The following SGK1 variants were observed in gnomAD, a reference collection of about 807,000 sequenced individuals.
SGK1 encodes the protein serum/glucocorticoid regulated kinase 1.
A neutral mutation model predicts 64.2 loss-of-function variants in SGK1; 26 were observed. The ratio of observed to expected loss-of-function variants is 0.40; its 90% CI spans 0.30 to 0.56. The LOEUF (loss-of-function observed/expected upper bound fraction) is 0.56. Ranked by LOEUF, SGK1 falls within the 20% of genes least tolerant of loss-of-function variation. The pLI, the probability that SGK1 is intolerant of heterozygous loss-of-function variation, is 0.38. For synonymous variants in SGK1, 265 were observed against 239.7 expected, an observed-to-expected ratio of 1.11 and a Z score of -0.98; for missense variants, 519 against 645.6, an observed-to-expected ratio of 0.80 and a Z score of 2.12.
intron 9 of SGK1, 115 bp from the exon 10 acceptor site, chr6:134,172,431 T>A: frequency 9.4e-7 from 1 of 1,059,388 alleles, no homozygotes; most frequent in Non-Finnish European, 1.4e-6. Context: ...TGTAGTTGTG[T>A]AGTGAAGAAA....
At chr6:134,301,424 A>G (rs1777451128) in intron 1 of SGK1, among the ~76,000 whole-genome samples, 2 of 152,128 alleles carry the variant, frequency 1.3e-5, no homozygotes, top group Non-Finnish European at 2.9e-5. Context: ...ATCACCCACA[A>G]GTAGGAGGAG....
chr6:134,307,389 C>T (rs1304773077), intron 1 of SGK1, among the ~76,000 whole-genome samples: 1 of 152,150 alleles, frequency 6.6e-6, no homozygotes, highest in African/African-American at 2.4e-5. Context: ...AAGGAGAAAG[C>T]AATTATATTG....
At chr6:134,264,175 A>G (rs1407173997) in intron 1 of SGK1, among the ~76,000 whole-genome samples, 1 of 149,932 alleles carries the variant, frequency 6.7e-6, no homozygotes, top group Non-Finnish European at 1.5e-5. Context: ...GCTGGAGTAC[A>G]GTGGCGCGAT....
At chr6:134,282,631 C>T (rs1489676207) in intron 1 of SGK1, among the ~76,000 whole-genome samples, 1 of 149,894 alleles carries the variant, frequency 6.7e-6, no homozygotes, top group Non-Finnish European at 1.5e-5. Context: ...CCAGCCTGGG[C>T]AACAGAGTGA....
chr6:134,213,538 TA>T (rs1775925668), intron 2 of SGK1, among the ~76,000 whole-genome samples: 1 of 143,408 alleles, frequency 7.0e-6, no homozygotes, highest in Non-Finnish European at 1.5e-5. Context: ...AATAAATAAA[TA>T]AATAAATAAA....
intron 3 of SGK1, among the ~76,000 whole-genome samples, chr6:134,175,305 C>T (rs1775195810): frequency 1.3e-5 from 2 of 152,162 alleles, no homozygotes; most frequent in South Asian, 4.1e-4. Flanking sequence ...TCTCCCCGGC[C>T]AGGCGCCGTC....
intron 3 of SGK1, chr6:134,175,901 A>T: frequency 4.7e-6 from 5 of 1,073,312 alleles, no homozygotes; most frequent in Non-Finnish European, 4.5e-6. Flanking sequence ...GGAAAGAAAG[A>T]GGGAAAAGGG....
In SGK1 at chr6:134,173,572, A is replaced by G; in HGVS notation, c.514-6T>C. 1 of 1,392,244 alleles carries G rather than the reference A, an allele frequency of 7.2e-7. No individual in the cohort carries two copies. The highest frequency in any genetic ancestry group is 9.7e-7 in the Non-Finnish European group (1 of 1,028,640). The allele number at this position is 1,392,244 out of a possible 1,614,324, so 86.2% of individuals were successfully genotyped here. A position where few individuals can be genotyped will look rare whatever the true frequency, so the allele number is the denominator to read the frequency against. ...ATTTGCTGAGAAGGACTTGGCTAGA[A>G]AAAAAAAAAAAGAATTTCTTTTAAT... is the stretch of plus-strand genomic sequence containing the variant. On this transcript the variant is annotated splice_polypyrimidine_tract_variant and splice_region_variant and intron_variant, in intron 5 of 13. Coordinates refer to ENST00000367858, the MANE Select transcript of SGK1 (RefSeq NM_001143676.3).
At chr6:134,199,708 T>C (rs531828995) in intron 3 of SGK1, among the ~76,000 whole-genome samples, 105 of 151,092 alleles carry the variant, frequency 6.9e-4, no homozygotes, top group African/African-American at 2.5e-3. Flanking sequence ...CCTGGAAATA[T>C]AAGGAAAAAT....
chr6:134,222,615 C>A (rs1338678094), intron 2 of SGK1, among the ~76,000 whole-genome samples: 1 of 152,086 alleles, frequency 6.6e-6, no homozygotes, highest in East Asian at 1.9e-4. Context: ...GGATTACAGG[C>A]GTGAGCCACC....
chr6:134,247,698 T>C (rs1008569578), intron 2 of SGK1, among the ~76,000 whole-genome samples: 2 of 152,178 alleles, frequency 1.3e-5, no homozygotes, highest in African/African-American at 4.8e-5. Flanking sequence ...CTGAGACCCA[T>C]GAGTCATTGT....
chr6:134,208,196 A>G (rs1484486087), intron 2 of SGK1, among the ~76,000 whole-genome samples: 1 of 152,056 alleles, frequency 6.6e-6, no homozygotes, highest in African/African-American at 2.4e-5. Context: ...ATAAGCGTGA[A>G]CCACCGCACC....
intron 1 of SGK1, among the ~76,000 whole-genome samples, chr6:134,306,713 T>G (rs1231022110): frequency 1.3e-5 from 2 of 151,840 alleles, no homozygotes; most frequent in African/African-American, 4.8e-5. Context: ...TTTGTAGAGA[T>G]GGGGTTTTGC....
chr6:134,289,348 C>T (rs1051670926), intron 1 of SGK1, among the ~76,000 whole-genome samples: 1 of 152,152 alleles, frequency 6.6e-6, no homozygotes, highest in African/African-American at 2.4e-5. Context: ...CTAGTGTTCC[C>T]TGGGGGATAA....
chr6:134,287,503 A>T (rs1777204446), intron 1 of SGK1, among the ~76,000 whole-genome samples: 1 of 149,114 alleles, frequency 6.7e-6, no homozygotes, highest in African/African-American at 2.5e-5. Flanking sequence ...AGGAATGAGT[A>T]TTGGGCCTAG....
At chr6:134,298,101 T>C in intron 1 of SGK1, 1 of 1,344,138 alleles carries the variant, frequency 7.4e-7, no homozygotes. Flanking sequence ...AGCTCTACCT[T>C]GTTCATGTAA....
intron 2 of SGK1, among the ~76,000 whole-genome samples, chr6:134,237,537 C>G (rs184249874): frequency 2.8e-4 from 43 of 152,008 alleles, no homozygotes; most frequent in South Asian, 1.2e-3. Context: ...ATTAGCCAGG[C>G]GTGGTGGCAT....
chr6:134,297,234 C>A, intron 1 of SGK1: 1 of 1,085,366 alleles, frequency 9.2e-7, no homozygotes, highest in Non-Finnish European at 1.4e-6. Context: ...GCATTTCTAG[C>A]CCTCCAGCAG....
chr6:134,195,211 T>C (rs931432598), intron 3 of SGK1, among the ~76,000 whole-genome samples: 5 of 152,166 alleles, frequency 3.3e-5, no homozygotes, highest in African/African-American at 1.2e-4. Flanking sequence ...AAAAGAATCC[T>C]GAGGAATTAG....
Sources: gnomAD v4.1 joint callset for allele counts (sites outside exome capture counted in the v4.1 genomes callset) on GRCh38, gnomAD v4.1.1 for gene constraint, MANE v1.5 for transcripts, NCBI Gene and HGNC (gene_info 2026-07-23, HGNC 2026-07-21) for gene names.